The following NTNG1 variants were observed in gnomAD, a reference collection of about 807,000 sequenced individuals.
NTNG1 encodes netrin G1.
NTNG1 carries 16 observed loss-of-function variants against 54.0 expected under a neutral mutation model. The observed-to-expected ratio is 0.30, with a 90% CI of 0.20 to 0.45. NTNG1 has a LOEUF of 0.45. Among genes scored for constraint, NTNG1 ranks in the 20% least tolerant of loss-of-function variants. The pLI, the probability that NTNG1 is intolerant of heterozygous loss-of-function variation, is 1.00. For synonymous variants in NTNG1, 255 were observed against 263.1 expected (o/e 0.97, Z 0.30); for missense variants, 530 against 678.7 (o/e 0.78, Z 2.43).
At chr1:107,254,953 G>C (rs538473982) in intron 2 of NTNG1, among the ~76,000 whole-genome samples, 5 of 152,226 alleles carry the variant, frequency 3.3e-5, no homozygotes, top group African/African-American at 1.2e-4. Flanking sequence ...ATCTTTCTAT[G>C]CTTCTAGTCT....
At chr1:107,431,208 T>A (rs1291161227) in intron 6 of NTNG1, among the ~76,000 whole-genome samples, 1 of 152,124 alleles carries the variant, frequency 6.6e-6, no homozygotes, top group Non-Finnish European at 1.5e-5. Context: ...TTGTATGAAA[T>A]TGTAAAACCT....
In NTNG1 at chr1:107,430,845, C is replaced by T. The variant is rs1296474303; in HGVS notation, c.1183C>T (p.His395Tyr). ...VSCKHNTRGQ[H>Y]CELCRLGYFR... is the part of the protein sequence containing the mutation. ...CTGTAAACACAACACTAGAGGGCAG[C>T]ACTGTGAGTTATGCAGGCTGGGCTA... The change falls in exon 6 of 8, where the codon CAC (histidine) becomes TAC (tyrosine). Residue 395 changes from histidine (H) to tyrosine (Y), a missense_variant. His to Tyr is a moderately conservative substitution (Grantham distance 83). Transcript: ENST00000370068. 1 of 1,613,288 alleles carries T rather than the reference C, an allele frequency of 6.2e-7. No homozygotes were observed. Among genetic ancestry groups the T allele is most frequent in the Admixed American group, 1.7e-5 (1 of 59,884 alleles).
In NTNG1 at chr1:107,484,737, C is replaced by T. The variant is rs150165168; in HGVS notation, c.*3897C>T. On this transcript the variant is annotated 3_prime_UTR_variant, in exon 8 of 8. Transcript: ENST00000370068. ...AACAACTGTGAGGAAATCTTGACAT[C>T]GAATATTTTGTTCCATCTCCTTCAC... Among the ~76,000 whole-genome samples, 18 of 152,114 alleles carry T rather than the reference C, an allele frequency of 1.2e-4. 1 individual carries two copies. The highest frequency in any genetic ancestry group is 2.6e-4 in the Admixed American group (4 of 15,276).
intron 2 of NTNG1, among the ~76,000 whole-genome samples, chr1:107,210,837 T>G (rs6675118): frequency 0.99 from 151,295 of 152,230 alleles, 75,189 homozygotes; most frequent in East Asian, 1. Context: ...CACACTCTCT[T>G]CTCTAGACAG....
chr1:107,359,075 C>T (rs536967165), intron 3 of NTNG1, among the ~76,000 whole-genome samples: 48 of 152,284 alleles, frequency 3.2e-4, no homozygotes, highest in Admixed American at 1.2e-3. Context: ...AACACACACA[C>T]AGGAAATTGC....
At chr1:107,463,990 A>T (rs1056488918) in intron 7 of NTNG1, among the ~76,000 whole-genome samples, 4 of 152,208 alleles carry the variant, frequency 2.6e-5, no homozygotes, top group African/African-American at 9.6e-5. Context: ...ATAATCATTT[A>T]CTAAAAATTA....
chr1:107,197,149 A>G (rs1034897265), intron 2 of NTNG1, among the ~76,000 whole-genome samples: 5 of 152,022 alleles, frequency 3.3e-5, no homozygotes, highest in Non-Finnish European at 7.4e-5. Context: ...TAATCTGACC[A>G]ACCTACAGGG....
intron 2 of NTNG1, among the ~76,000 whole-genome samples, chr1:107,311,583 G>C (rs368116200): frequency 6.6e-6 from 1 of 151,992 alleles, no homozygotes; most frequent in Admixed American, 6.6e-5. Flanking sequence ...TCATTGAAAT[G>C]GTTAGTTCTT....
intron 2 of NTNG1, among the ~76,000 whole-genome samples, chr1:107,189,305 C>G (rs1485202938): frequency 6.8e-6 from 1 of 146,688 alleles, no homozygotes; most frequent in Non-Finnish European, 1.5e-5. Flanking sequence ...GAACCGAGAT[C>G]AGGCCACTGC....
In NTNG1 at chr1:107,456,772, G is replaced by A. The variant is rs556395820; in HGVS notation, c.1390+19973G>A. On this transcript the variant is annotated intron_variant, in intron 7 of 7. Coordinates refer to ENST00000370068, the MANE Select transcript of NTNG1 (RefSeq NM_001113226.3). ...TATGCAATGCAATATTGTTGCTTAT[G>A]TAACGTGATGCAAGACCTCAGTCCC... Among the ~76,000 whole-genome samples, 6 of 152,320 alleles carry A rather than the reference G, an allele frequency of 3.9e-5. No individual in the cohort carries two copies. The South Asian group carries it at 1.2e-3, about 32-fold the overall frequency.
chr1:107,176,305 T>A (rs1656642053), intron 2 of NTNG1, among the ~76,000 whole-genome samples: 1 of 152,196 alleles, frequency 6.6e-6, no homozygotes, highest in African/African-American at 2.4e-5. Flanking sequence ...ATTATGTACA[T>A]TGTTTATTTC....
chr1:107,238,922 G>A (rs561919759), intron 2 of NTNG1, among the ~76,000 whole-genome samples: 11 of 151,652 alleles, frequency 7.3e-5, no homozygotes, highest in Admixed American at 3.3e-4. Context: ...AAATGAATAC[G>A]ATGTGGCCCA....
chr1:107,380,857 T>A (rs1198993140), intron 3 of NTNG1, among the ~76,000 whole-genome samples: 1 of 152,124 alleles, frequency 6.6e-6, no homozygotes, highest in East Asian at 1.9e-4. Context: ...TACTGTTAAA[T>A]ATAAAACAAA....
intron 2 of NTNG1, among the ~76,000 whole-genome samples, chr1:107,285,281 C>CT (rs1375087695): frequency 6.6e-6 from 1 of 152,130 alleles, no homozygotes. Flanking sequence ...TCTGTTGTGT[C>CT]TAGCTTTTAA....
At chr1:107,466,344 A>G (rs1331120516) in intron 7 of NTNG1, among the ~76,000 whole-genome samples, 1 of 152,242 alleles carries the variant, frequency 6.6e-6, no homozygotes, top group Non-Finnish European at 1.5e-5. Flanking sequence ...CATTTTTTCT[A>G]TGAAATTCAT....
At chr1:107,267,243 A>G (rs1663809025) in intron 2 of NTNG1, among the ~76,000 whole-genome samples, 1 of 152,168 alleles carries the variant, frequency 6.6e-6, no homozygotes, top group Non-Finnish European at 1.5e-5. Flanking sequence ...CACCTTGTAC[A>G]ATGCCTGGTC....
intron 2 of NTNG1, among the ~76,000 whole-genome samples, chr1:107,255,947 G>T (rs1272859909): frequency 6.6e-6 from 1 of 152,170 alleles, no homozygotes; most frequent in Non-Finnish European, 1.5e-5. Flanking sequence ...TTTTGAGAAA[G>T]TTGAAAATAT....
chr1:107,433,159 G>A (rs1675378547), intron 6 of NTNG1, among the ~76,000 whole-genome samples: 1 of 152,066 alleles, frequency 6.6e-6, no homozygotes, highest in Admixed American at 6.6e-5. Context: ...ATTTTATCGA[G>A]GTAAACCTGT....
At chr1:107,453,449 C>T (rs1676741896) in intron 7 of NTNG1, among the ~76,000 whole-genome samples, 1 of 152,200 alleles carries the variant, frequency 6.6e-6, no homozygotes, top group South Asian at 2.1e-4. Flanking sequence ...GGGATCTTTT[C>T]TTTCCCTCAG....
Sources: gnomAD v4.1 joint callset for allele counts (sites outside exome capture counted in the v4.1 genomes callset) on GRCh38, gnomAD v4.1.1 for gene constraint, MANE v1.5 for transcripts, NCBI Gene and HGNC (gene_info 2026-07-23, HGNC 2026-07-21) for gene names.